ART3: variants seen among roughly 807,000 people sequenced by gnomAD.
ART3 encodes the protein ADP-ribosyltransferase 3 (inactive), also known as ecto-ADP-ribosyltransferase 3.
ART3 carries 49 observed loss-of-function variants against 48.5 expected under a neutral mutation model. That is an observed-to-expected ratio of 1.01 (90% confidence interval 0.80 to 1.28). The LOEUF is 1.28. Ranked by LOEUF, ART3 falls within the 50% of genes most tolerant of loss-of-function variation. The probability of loss-of-function intolerance (pLI) is 0.00; values close to 1 mark genes in which losing one functional copy is unlikely to be tolerated. For missense variants in ART3, 438 were observed against 454.3 expected (o/e 0.96, Z 0.33); for synonymous variants, 145 against 157.2 (o/e 0.92, Z 0.58).
Position 76,112,546 on chromosome 4 carries a change from T to G in ART3, c.*27T>G. ...TTGATGCATTGTTTATCTTTCTTAT[T>G]CTTTACTTGAAATAACTATAGGGAT... On this transcript the variant is annotated 3_prime_UTR_variant, in exon 12 of 12. Coordinates refer to ENST00000355810, the MANE Select transcript of ART3 (RefSeq NM_001130016.3). The G allele has an allele frequency of 6.3e-7, 1 of 1,596,734 alleles. No individual in the cohort carries two copies. The highest frequency in any genetic ancestry group is 8.5e-7 in the Non-Finnish European group (1 of 1,169,976).
chr4:76,041,030 A>T (rs1324837497), intron 1 of ART3: 1 of 152,184 alleles, frequency 6.6e-6, no homozygotes, highest in African/African-American at 2.4e-5. Flanking sequence ...TTACTCATTC[A>T]TTCAGCAAAT....
At chr4:76,084,636 G>C (rs1454205733) in intron 3 of ART3, among the ~76,000 whole-genome samples, 36 of 152,092 alleles carry the variant, frequency 2.4e-4, no homozygotes, top group Admixed American at 2.2e-3. Flanking sequence ...GTGAGCAAAG[G>C]GTTAGTAAAC....
chr4:76,044,565 A>G (rs954872206), intron 1 of ART3, among the ~76,000 whole-genome samples: 17 of 151,874 alleles, frequency 1.1e-4, no homozygotes, highest in Admixed American at 1.1e-3. Context: ...TTTTTTCTTT[A>G]CTACTTCCAT....
chr4:76,022,161 A>G (rs995051396), intron 1 of ART3, among the ~76,000 whole-genome samples: 1 of 152,236 alleles, frequency 6.6e-6, no homozygotes, highest in South Asian at 2.1e-4. Flanking sequence ...CTGTACTTCA[A>G]GGTTGACTGG....
chr4:76,011,579 G>A (rs961448218), intron 1 of ART3, among the ~76,000 whole-genome samples: 12 of 152,330 alleles, frequency 7.9e-5, no homozygotes, highest in Admixed American at 2.6e-4. Context: ...GAGGCCCTTC[G>A]GATAAGAGAA....
chr4:76,068,521 C>T (rs541256273), intron 1 of ART3, among the ~76,000 whole-genome samples: 3 of 152,172 alleles, frequency 2.0e-5, no homozygotes, highest in Admixed American at 6.5e-5. Flanking sequence ...CAAACTCATG[C>T]GGGAACAGAA....
In ART3 at chr4:76,103,913, A is replaced by T. The variant is rs1199823382; in HGVS notation, c.938-24A>T. 5 of 1,609,734 alleles carry T rather than the reference A, an allele frequency of 3.1e-6. No individual in the cohort carries two copies. In the East Asian group the frequency reaches 6.7e-5, roughly 22 times the overall value. On this transcript the variant is annotated intron_variant, in intron 8 of 11. Transcript: ENST00000355810. ...AGTATAAGATAACTGATTAATACAA[A>T]CCAATATTTATTTCTGCCTTTAGGT...
intron 11 of ART3, among the ~76,000 whole-genome samples, chr4:76,108,435 T>TAC (rs1404340880): frequency 6.6e-6 from 1 of 152,202 alleles, no homozygotes; most frequent in Non-Finnish European, 1.5e-5. Flanking sequence ...GGTTTTAACT[T>TAC]ACATGTATGT....
chr4:76,051,617 G>A (rs577548880), intron 1 of ART3, among the ~76,000 whole-genome samples: 20 of 151,440 alleles, frequency 1.3e-4, no homozygotes, highest in South Asian at 6.3e-4. Flanking sequence ...TCGGCTGACC[G>A]CAGTATCTGC....
intron 1 of ART3, chr4:76,023,330 T>C (rs1733060119): frequency 1.4e-6 from 2 of 1,474,338 alleles, no homozygotes; most frequent in African/African-American, 2.8e-5. Context: ...CCTATTCCTA[T>C]TTCTCATTTT....
In ART3 at chr4:76,047,636, C is replaced by T. The variant is rs150166802; in HGVS notation, c.-9-28245C>T. On this transcript the variant is annotated intron_variant, in intron 1 of 9. Transcript: ENST00000341029. Reference sequence around the variant, plus strand: ...CAACAGATGTTTACGACTCCAGTCCCCATGATCTGAGTCAAGGTCCCAGTG... The same window carrying T: ...CAACAGATGTTTACGACTCCAGTCCTCATGATCTGAGTCAAGGTCCCAGTG... Among the ~76,000 whole-genome samples, 881 of 152,042 alleles carry T rather than the reference C, an allele frequency of 5.8e-3. 21 individuals carry two copies. Among genetic ancestry groups the T allele is most frequent in the African/African-American group, 0.02 (838 of 41,538 alleles).
At chr4:76,013,889 A>G (rs1459628156) in intron 1 of ART3, among the ~76,000 whole-genome samples, 1 of 152,200 alleles carries the variant, frequency 6.6e-6, no homozygotes, top group Non-Finnish European at 1.5e-5. Context: ...TTTACTTTGT[A>G]TTGGTTTAAC....
At chr4:76,040,484 C>T (rs558126175) in intron 1 of ART3, among the ~76,000 whole-genome samples, 49 of 77,924 alleles carry the variant, frequency 6.3e-4, no homozygotes, top group African/African-American at 2.0e-3. Context: ...ACACACATTT[C>T]GCCTAACAAG....
intron 1 of ART3, among the ~76,000 whole-genome samples, chr4:76,040,096 A>C (rs1734799746): frequency 6.6e-6 from 1 of 152,192 alleles, no homozygotes; most frequent in East Asian, 1.9e-4. Context: ...AGACCGAGGC[A>C]GGCGGATCAC....
At chr4:76,044,941 C>T (rs543454833) in intron 1 of ART3, among the ~76,000 whole-genome samples, 2 of 152,152 alleles carry the variant, frequency 1.3e-5, no homozygotes, top group East Asian at 3.9e-4. Context: ...TTAGGAACTC[C>T]CATTCTTTCC....
At chr4:76,110,902 T>C (rs1729354365) in intron 11 of ART3, among the ~76,000 whole-genome samples, 1 of 152,252 alleles carries the variant, frequency 6.6e-6, no homozygotes, top group East Asian at 1.9e-4. Flanking sequence ...TAGTCTATTT[T>C]TATCATTTAC....
intron 2 of ART3, among the ~76,000 whole-genome samples, chr4:76,077,248 C>G (rs1047659667): frequency 1.3e-5 from 2 of 152,156 alleles, no homozygotes; most frequent in African/African-American, 4.8e-5. Context: ...TTTGCCTATT[C>G]TGGATATTTC....
intron 1 of ART3, among the ~76,000 whole-genome samples, chr4:76,053,692 A>C (rs1736350831): frequency 6.6e-6 from 1 of 152,222 alleles, no homozygotes; most frequent in African/African-American, 2.4e-5. Flanking sequence ...CGCATATGTT[A>C]AAATTTAGAA....
intron 8 of ART3, among the ~76,000 whole-genome samples, chr4:76,101,521 A>G (rs1676172079): frequency 6.6e-6 from 1 of 152,114 alleles, no homozygotes; most frequent in South Asian, 2.1e-4. Context: ...TAATCCCAGC[A>G]CTTTGGGAGG....
Sources: allele counts gnomAD v4.1 joint callset (sites outside exome capture counted in the v4.1 genomes callset), GRCh38; gene constraint gnomAD v4.1.1; transcripts MANE v1.5; gene names NCBI Gene and HGNC (gene_info 2026-07-23, HGNC 2026-07-21).